The following AHCTF1 variants were observed in gnomAD, a reference collection of about 807,000 sequenced individuals.
The protein encoded by AHCTF1 is AT-hook containing transcription factor 1, also known as protein ELYS.
Under a neutral mutation model 248.4 loss-of-function variants are expected in AHCTF1, and 24 were observed. The observed-to-expected ratio is 0.10, with a 90% CI of 0.07 to 0.14. The LOEUF is 0.14. AHCTF1 is among the 10% of genes least tolerant of loss of function. The pLI, the probability that AHCTF1 is intolerant of heterozygous loss-of-function variation, is 1.00. For missense variants in AHCTF1, 2,206 were observed against 2,636.2 expected, an observed-to-expected ratio of 0.84 and a Z score of 3.57; for synonymous variants, 786 against 929.8, an observed-to-expected ratio of 0.85 and a Z score of 2.81.
At chr1:246,917,056 T>C (rs776111577) in intron 2 of AHCTF1, among the ~76,000 whole-genome samples, 4 of 152,224 alleles carry the variant, frequency 2.6e-5, no homozygotes, top group Non-Finnish European at 5.9e-5. Flanking sequence ...GAGGTGACTA[T>C]CTGATTTAAA....
chr1:246,864,794 T>C (rs1395594336), intron 26 of AHCTF1, among the ~76,000 whole-genome samples: 2 of 69,122 alleles, frequency 2.9e-5, no homozygotes, highest in Non-Finnish European at 4.4e-5. Context: ...GAGCCGAGAT[T>C]GCGCCACTGC....
intron 3 of AHCTF1, among the ~76,000 whole-genome samples, chr1:246,915,911 G>A (rs563360966): frequency 2.6e-5 from 4 of 152,290 alleles, no homozygotes; most frequent in East Asian, 3.9e-4. Flanking sequence ...ACTCTGGAAC[G>A]TTTTAACCAA....
chr1:246,904,134 G>A (rs1665215994), intron 6 of AHCTF1, 101 bp from the exon 7 acceptor site: 2 of 911,542 alleles, frequency 2.2e-6, no homozygotes, highest in Non-Finnish European at 1.7e-6. Context: ...GAGTGCATGT[G>A]ACAAAACTAA....
chr1:246,868,747 C>G (rs183160573), intron 24 of AHCTF1, among the ~76,000 whole-genome samples: 81 of 150,676 alleles, frequency 5.4e-4, no homozygotes, highest in African/African-American at 2.0e-3. Context: ...GCTTACATTT[C>G]TTGGGTTACA....
At chr1:246,931,065 C>T (rs1667315716) in intron 1 of AHCTF1, 9 of 1,534,254 alleles carry the variant, frequency 5.9e-6, no homozygotes, top group East Asian at 2.5e-5. Context: ...TCTGACCAAT[C>T]GGGTGAGCTG....
At position 246,916,380 on chromosome 1, in the gene AHCTF1, G is replaced by C. The variant is rs756343520; in HGVS notation, c.137C>G (p.Ala46Gly). The stretch of plus-strand genomic sequence containing the variant: ...AAGTTGTGGACCACAAGCCAAGCAA[G>C]CAAGTCCATTTTTCCCTAGAAGAAA... ...GKFAAGKNGL[A>G]CLACGPQLEV... The change falls in exon 3 of 36, where the codon GCT becomes GGT. Residue 46 changes from alanine to glycine, a missense_variant. Coordinates refer to ENST00000648844, the MANE Select transcript of AHCTF1 (RefSeq NM_001323342.2). 1.2e-6 allele frequency: 2 copies of C among 1,600,880 alleles called. No homozygotes were observed. Among genetic ancestry groups the C allele is most frequent in the Non-Finnish European group, 1.7e-6 (2 of 1,175,712 alleles).
Position 246,876,134 on chromosome 1 carries a change from T to A in AHCTF1, c.2991A>T (p.Leu997Phe). The change falls in exon 24 of 36, where the codon TTA becomes TTT. Residue 997 changes from leucine to phenylalanine, a missense_variant. Leu to Phe is a conservative substitution (Grantham distance 22, BLOSUM62 0). Transcript: ENST00000648844. Reference sequence around the variant, plus strand: ...TAGGAAGGATTTTTCCATACTGGTCTAATATAGAATTTCGAGCCAGTGATC... The same window carrying A: ...TAGGAAGGATTTTTCCATACTGGTCAAATATAGAATTTCGAGCCAGTGATC... ...RERSLARNSI[L>F]DQYGKILPRV... is the part of the protein sequence containing the mutation. The A allele has an allele frequency of 6.2e-7, 1 of 1,607,428 alleles. No individual in the cohort carries two copies. Among genetic ancestry groups the A allele is most frequent in the Non-Finnish European group, 8.5e-7 (1 of 1,176,778 alleles).
intron 3 of AHCTF1, among the ~76,000 whole-genome samples, chr1:246,914,618 G>C (rs1459751407): frequency 6.6e-6 from 1 of 152,148 alleles, no homozygotes; most frequent in Non-Finnish European, 1.5e-5. Context: ...AATACTATAT[G>C]AAGTGATTAA....
intron 15 of AHCTF1, 49 bp downstream of exon 15, chr1:246,891,729 CA>C: frequency 6.3e-7 from 1 of 1,585,018 alleles, no homozygotes; most frequent in Non-Finnish European, 8.6e-7. Context: ...TTCTCTTAGT[CA>C]AGAAGTAAAA....
intron 1 of AHCTF1, among the ~76,000 whole-genome samples, chr1:246,923,491 G>A (rs189357861): frequency 4.6e-4 from 70 of 152,268 alleles, no homozygotes; most frequent in Non-Finnish European, 9.0e-4. Context: ...GGCTAGTAAT[G>A]GACAAACAGG....
At chr1:246,876,265 T>G in intron 23 of AHCTF1, 78 bp from the exon 24 acceptor site, 1 of 1,273,346 alleles carries the variant, frequency 7.9e-7, no homozygotes, top group Admixed American at 3.2e-5. Context: ...CCATTTAAAA[T>G]AAAACTATGA....
intron 16 of AHCTF1, 37 bp downstream of exon 16, chr1:246,890,919 T>C (rs1162800951): frequency 1.1e-5 from 14 of 1,271,118 alleles, no homozygotes; most frequent in Admixed American, 5.6e-5. Context: ...ATTCAGAATG[T>C]TTTAATTAAT....
Position 246,914,582 on chromosome 1 carries a change from G to A in AHCTF1, c.376-1170C>T, listed in dbSNP as rs188923148. 3.3e-5 allele frequency among the ~76,000 whole-genome samples: 5 copies of A among 152,146 alleles called. No individual in the cohort carries two copies. In the East Asian group the frequency reaches 9.6e-4, roughly 29 times the overall value. On this transcript the variant is annotated intron_variant, in intron 3 of 35. Transcript: ENST00000648844. ...ATTCAATTCCTCAGTGAGGAGTAGC[G>A]AATCTAAGTTTACATTCCTCATAAA... is the stretch of plus-strand genomic sequence containing the variant.
intron 31 of AHCTF1, among the ~76,000 whole-genome samples, chr1:246,854,936 T>C (rs1000640940): frequency 2.8e-5 from 4 of 143,904 alleles, no homozygotes; most frequent in Non-Finnish European, 4.5e-5. Context: ...TGGTTAATTA[T>C]GGACCCCTAA....
intron 27 of AHCTF1, 64 bp downstream of exon 27, chr1:246,863,860 C>A: frequency 6.6e-7 from 1 of 1,520,772 alleles, no homozygotes; most frequent in African/African-American, 1.4e-5. Flanking sequence ...TATTTTTCTC[C>A]TTGCTACTTG....
Position 246,850,824 on chromosome 1 carries a change from C to T in AHCTF1, c.5182G>A (p.Val1728Ile), listed in dbSNP as rs768974056. Residue 1728 changes from valine (V) to isoleucine (I), a missense_variant, in exon 33 of 36, where the codon GTC (valine) becomes ATC (isoleucine). Physicochemically the swap from Val to Ile is conservative, Grantham distance 29. Transcript: ENST00000648844. ...AQETSTMTMN[V>I]SQVDDVVSSK... ...GAAACCACGTCATCAACCTGGCTGACATTCATAGTCATTGTGCTTGTTTCC... is the reference window on the plus strand; with the variant it reads ...GAAACCACGTCATCAACCTGGCTGATATTCATAGTCATTGTGCTTGTTTCC... 1 of 1,613,844 alleles carries T rather than the reference C, an allele frequency of 6.2e-7. No homozygotes were observed. Among genetic ancestry groups the T allele is most frequent in the South Asian group, 1.1e-5 (1 of 91,076 alleles).
chr1:246,917,149 G>A (rs540048092), intron 2 of AHCTF1, among the ~76,000 whole-genome samples: 92 of 152,326 alleles, frequency 6.0e-4, no homozygotes, highest in African/African-American at 2.1e-3. Context: ...GAGAAGCACA[G>A]AGTAGCCGCA....
chr1:246,927,413 G>A (rs529629265), intron 1 of AHCTF1, among the ~76,000 whole-genome samples: 6 of 152,154 alleles, frequency 3.9e-5, no homozygotes, highest in South Asian at 2.1e-4. Flanking sequence ...CGCTTGAACC[G>A]GGGAGGTGGA....
At chr1:246,909,283 G>C (rs557607783) in intron 4 of AHCTF1, among the ~76,000 whole-genome samples, 1 of 149,498 alleles carries the variant, frequency 6.7e-6, no homozygotes, top group South Asian at 2.1e-4. Context: ...CGCACATGGT[G>C]GTGTGCAACT....
Sources: gnomAD v4.1 joint callset for allele counts (sites outside exome capture counted in the v4.1 genomes callset) on GRCh38, gnomAD v4.1.1 for gene constraint, MANE v1.5 for transcripts, NCBI Gene and HGNC (gene_info 2026-07-23, HGNC 2026-07-21) for gene names.